Variants in CCNY observed in about 807,000 individuals in gnomAD.
The protein encoded by CCNY is cyclin-Y.
CCNY carries 19 observed loss-of-function variants against 42.8 expected under a neutral mutation model. The observed-to-expected ratio is 0.44, with a 90% CI of 0.31 to 0.65. The LOEUF is 0.65. Among genes scored for constraint, CCNY ranks in the 30% least tolerant of loss-of-function variants. The probability of loss-of-function intolerance (pLI) is 0.07; values close to 1 mark genes in which losing one functional copy is unlikely to be tolerated. For synonymous variants in CCNY, 165 were observed against 162.7 expected, an observed-to-expected ratio of 1.01 and a Z score of -0.11; for missense variants, 370 against 437.3, an observed-to-expected ratio of 0.85 and a Z score of 1.37.
At chr10:35,466,535 G>A (rs990109537) in intron 1 of CCNY, among the ~76,000 whole-genome samples, 3 of 152,198 alleles carry the variant, frequency 2.0e-5, no homozygotes, top group African/African-American at 7.2e-5. Flanking sequence ...TCTCAGGTGT[G>A]TCCGCCTGTG....
At chr10:35,563,201 A>C (rs1841499794) in intron 8 of CCNY, among the ~76,000 whole-genome samples, 1 of 152,204 alleles carries the variant, frequency 6.6e-6, no homozygotes, top group Admixed American at 6.5e-5. Flanking sequence ...CTAAATCTTT[A>C]GAAAAAAATT....
intron 3 of CCNY, among the ~76,000 whole-genome samples, chr10:35,282,247 A>G (rs531701193): frequency 6.6e-6 from 1 of 151,192 alleles, no homozygotes; most frequent in South Asian, 2.1e-4. Flanking sequence ...TCAGCCTCCC[A>G]ACTAGCCAGG....
At chr10:35,330,546 C>T (rs548784049) in intron 3 of CCNY, among the ~76,000 whole-genome samples, 86 of 152,246 alleles carry the variant, frequency 5.6e-4, no homozygotes, top group African/African-American at 1.8e-3. Flanking sequence ...CTGGCTAGAT[C>T]GGGATTACAT....
intron 3 of CCNY, among the ~76,000 whole-genome samples, chr10:35,272,844 A>G (rs2135045168): frequency 6.6e-6 from 1 of 152,068 alleles, no homozygotes; most frequent in Non-Finnish European, 1.5e-5. Flanking sequence ...AGGAATCACC[A>G]GTATTTTCCA....
chr10:35,429,080 A>G (rs1163472145), intron 1 of CCNY, among the ~76,000 whole-genome samples: 1 of 152,256 alleles, frequency 6.6e-6, no homozygotes, highest in Admixed American at 6.5e-5. Flanking sequence ...GTCACCTTCT[A>G]CCAGAATCTT....
chr10:35,551,239 G>C lies in CCNY; in HGVS notation c.580-1780G>C, dbSNP rs1841250764. Among the ~76,000 whole-genome samples, 6 of 152,158 alleles carry C rather than the reference G, an allele frequency of 3.9e-5. No individual in the cohort carries two copies. In the South Asian group the frequency reaches 1.2e-3, roughly 32 times the overall value. ...TTTCTCAAGAACTTCCTAAAGTTCA[G>C]CCGCCTCCTCAAAGACATCCTAATG... On this transcript the variant is annotated intron_variant, in intron 7 of 9. Coordinates refer to ENST00000374704, the MANE Select transcript of CCNY (RefSeq NM_145012.6).
chr10:35,476,437 C>T (rs1165289531), intron 1 of CCNY, among the ~76,000 whole-genome samples: 1 of 152,164 alleles, frequency 6.6e-6, no homozygotes, highest in Non-Finnish European at 1.5e-5. Context: ...CAAAGTATCT[C>T]TCAGACCACA....
At chr10:35,266,056 C>T (rs1223686489) in intron 3 of CCNY, among the ~76,000 whole-genome samples, 1 of 151,970 alleles carries the variant, frequency 6.6e-6, no homozygotes, top group Admixed American at 6.6e-5. Flanking sequence ...CATGTATCTC[C>T]AGGAAACTTC....
At chr10:35,257,935 T>C (rs1390427568) in intron 3 of CCNY, among the ~76,000 whole-genome samples, 2 of 152,224 alleles carry the variant, frequency 1.3e-5, no homozygotes, top group East Asian at 1.9e-4. Context: ...TCAATCTTTT[T>C]TCCTTCTGTT....
intron 1 of CCNY, among the ~76,000 whole-genome samples, chr10:35,468,070 G>A (rs987188824): frequency 7.2e-5 from 11 of 152,244 alleles, no homozygotes; most frequent in Middle Eastern, 3.2e-3. Flanking sequence ...CTTATAAGCC[G>A]TAGAAATGTA....
At chr10:35,344,749 C>G (rs983461505) in intron 1 of CCNY, among the ~76,000 whole-genome samples, 6 of 152,052 alleles carry the variant, frequency 3.9e-5, no homozygotes, top group Non-Finnish European at 7.4e-5. Context: ...CAACAGGCCC[C>G]GGTGTGTGAT....
In CCNY at chr10:35,570,228, AAAG is replaced by A. The variant is rs1841660611; in HGVS notation, c.*1061_*1063del. The A allele has an allele frequency of 6.6e-6, 1 of 152,612 alleles. No individual in the cohort carries two copies. Among genetic ancestry groups the A allele is most frequent in the Non-Finnish European group, 1.5e-5 (1 of 68,038 alleles). The allele number at this position is 152,612 out of a possible 1,614,324, so 9.5% of individuals were successfully genotyped here. A position where few individuals can be genotyped will look rare whatever the true frequency, so the allele number is the denominator to read the frequency against. ...AAAATTTTTAAAAAATCTAAAAGAA[AAAG>A]AAAAAAAACAAGGGTGGGTTGGGTA... On this transcript the variant is annotated 3_prime_UTR_variant, in exon 10 of 10. Coordinates refer to ENST00000374704, the MANE Select transcript of CCNY (RefSeq NM_145012.6).
intron 2 of CCNY, among the ~76,000 whole-genome samples, chr10:35,492,268 C>G (rs1329893509): frequency 6.6e-6 from 1 of 152,248 alleles, no homozygotes; most frequent in Non-Finnish European, 1.5e-5. Context: ...CCCTCCAGGC[C>G]TGAGAGGCCA....
At chr10:35,463,441 G>A (rs1044003847) in intron 1 of CCNY, among the ~76,000 whole-genome samples, 8 of 152,202 alleles carry the variant, frequency 5.3e-5, no homozygotes, top group Non-Finnish European at 1.2e-4. Flanking sequence ...ATGTATATAA[G>A]TTACTGAATC....
chr10:35,376,316 A>G (rs1166537521), intron 1 of CCNY, among the ~76,000 whole-genome samples: 3 of 152,242 alleles, frequency 2.0e-5, no homozygotes, highest in East Asian at 3.8e-4. Context: ...TCTTAGGTGT[A>G]TGCCGAAGAT....
At chr10:35,406,686 C>G (rs183007429) in intron 1 of CCNY, among the ~76,000 whole-genome samples, 7 of 152,352 alleles carry the variant, frequency 4.6e-5, no homozygotes, top group African/African-American at 9.6e-5. Context: ...ACCTTTCCCC[C>G]CTTTCTATTC....
intron 3 of CCNY, among the ~76,000 whole-genome samples, chr10:35,262,428 A>AGCTCACT (rs1195307979): frequency 6.6e-6 from 1 of 151,060 alleles, no homozygotes; most frequent in African/African-American, 2.4e-5. Context: ...GTACAATCTC[A>AGCTCACT]GCTCACTGCA....
intron 3 of CCNY, among the ~76,000 whole-genome samples, chr10:35,322,214 C>A (rs759097963): frequency 2.0e-5 from 3 of 152,036 alleles, no homozygotes; most frequent in Non-Finnish European, 4.4e-5. Flanking sequence ...ATTAGCTGGG[C>A]ATCGCAGTGC....
chr10:35,423,306 C>G (rs2135266510), intron 1 of CCNY, among the ~76,000 whole-genome samples: 1 of 152,158 alleles, frequency 6.6e-6, no homozygotes, highest in Non-Finnish European at 1.5e-5. Context: ...AAAACCCCGT[C>G]TCTACAAAAC....
Sources: gnomAD v4.1 joint callset for allele counts (sites outside exome capture counted in the v4.1 genomes callset) on GRCh38, gnomAD v4.1.1 for gene constraint, MANE v1.5 for transcripts, NCBI Gene and HGNC (gene_info 2026-07-23, HGNC 2026-07-21) for gene names.